The following PRKRIP1 variants were observed in gnomAD, a reference collection of about 807,000 sequenced individuals.
PRKRIP1 encodes PRKR interacting protein 1.
Under a neutral mutation model 29.3 loss-of-function variants are expected in PRKRIP1, and 29 were observed. The ratio of observed to expected loss-of-function variants is 0.99; its 90% CI spans 0.74 to 1.35. The LOEUF is 1.35. Among genes scored for constraint, PRKRIP1 ranks in the 40% most tolerant of loss-of-function variants. The probability of loss-of-function intolerance (pLI) is 0.00; values close to 1 mark genes in which losing one functional copy is unlikely to be tolerated. For synonymous variants in PRKRIP1, 90 were observed against 85.1 expected (o/e 1.06, Z -0.32); for missense variants, 247 against 236.8 (o/e 1.04, Z -0.28).
chr7:102,418,892 C>T (rs570470697), intron 5 of PRKRIP1, among the ~76,000 whole-genome samples: 1 of 152,048 alleles, frequency 6.6e-6, no homozygotes, highest in South Asian at 2.1e-4. Flanking sequence ...GACGATGTTA[C>T]ATTTTATCGC....
In PRKRIP1 at chr7:102,417,322, G is replaced by A. The variant is rs151015926; in HGVS notation, c.458-7692G>A. Among the ~76,000 whole-genome samples, 20 of 152,202 alleles carry A rather than the reference G, an allele frequency of 1.3e-4. No homozygotes were observed. The East Asian group carries it at 3.5e-3, about 26-fold the overall frequency. ...GTACGTTACTCTGTAGAAGAAAGTC[G>A]TTGTGTGCAGCCCACACATAGGGAG... On this transcript the variant is annotated intron_variant, in intron 5 of 5. Coordinates refer to ENST00000397912, the MANE Select transcript of PRKRIP1 (RefSeq NM_024653.4).
At chr7:102,417,411 C>A (rs1796582335) in intron 5 of PRKRIP1, among the ~76,000 whole-genome samples, 1 of 152,266 alleles carries the variant, frequency 6.6e-6, no homozygotes, top group Non-Finnish European at 1.5e-5. Context: ...AGTCATTCTG[C>A]ATGCTAGGGT....
chr7:102,398,469 G>C, intron 2 of PRKRIP1, among the ~76,000 whole-genome samples: 1 of 151,906 alleles, frequency 6.6e-6, no homozygotes, highest in African/African-American at 2.4e-5. Flanking sequence ...ATTTTTAGTA[G>C]AGACTGGGTT....
chr7:102,404,472 G>A, intron 3 of PRKRIP1, 126 bp from the exon 4 acceptor site: 2 of 723,034 alleles, frequency 2.8e-6, no homozygotes, highest in South Asian at 3.5e-5. Flanking sequence ...TGGCCCTGGG[G>A]ACCCGGGTAG....
At chr7:102,423,649 T>C (rs1796763677) in intron 5 of PRKRIP1, among the ~76,000 whole-genome samples, 1 of 152,084 alleles carries the variant, frequency 6.6e-6, no homozygotes, top group African/African-American at 2.4e-5. Context: ...AGTGCTTCCA[T>C]GTAATAGTGT....
intron 1 of PRKRIP1, 40 bp from the exon 2 acceptor site, chr7:102,397,580 C>G (rs781948002): frequency 6.5e-7 from 1 of 1,528,086 alleles, no homozygotes; most frequent in Non-Finnish European, 9.1e-7. Context: ...ATTTTGTCAA[C>G]AGGTTTATAC....
At chr7:102,421,432 C>G (rs140916002) in intron 5 of PRKRIP1, among the ~76,000 whole-genome samples, 145 of 152,084 alleles carry the variant, frequency 9.5e-4, no homozygotes, top group African/African-American at 3.3e-3. Flanking sequence ...ATAGTCTCAG[C>G]TACTCAGGAG....
chr7:102,406,867 T>G (rs1473458360), intron 4 of PRKRIP1, among the ~76,000 whole-genome samples: 1 of 141,386 alleles, frequency 7.1e-6, no homozygotes, highest in African/African-American at 2.7e-5. Context: ...AATAAGTCAT[T>G]AGCAAAAAAA....
intron 5 of PRKRIP1, among the ~76,000 whole-genome samples, chr7:102,407,737 C>G (rs1282274115): frequency 6.6e-6 from 1 of 152,094 alleles, no homozygotes; most frequent in African/African-American, 2.4e-5. Flanking sequence ...TCTGGCATGG[C>G]TGGTCAGGGA....
chr7:102,411,816 TTG>T (rs1394483251), intron 5 of PRKRIP1, among the ~76,000 whole-genome samples: 38 of 144,488 alleles, frequency 2.6e-4, no homozygotes, highest in East Asian at 1.9e-3. Flanking sequence ...GTTTTTTTTT[TTG>T]TTTGTTTGTT....
chr7:102,423,859 G>A (rs1554574127), intron 5 of PRKRIP1, among the ~76,000 whole-genome samples: 2 of 152,048 alleles, frequency 1.3e-5, no homozygotes, highest in Non-Finnish European at 2.9e-5. Context: ...AATGGAACTC[G>A]CTGTGTTGCC....
chr7:102,421,791 G>A (rs538793037), intron 5 of PRKRIP1, among the ~76,000 whole-genome samples: 8 of 149,236 alleles, frequency 5.4e-5, no homozygotes, highest in East Asian at 1.9e-4. Flanking sequence ...GTGAGACCCC[G>A]TCTCCAAAAA....
intron 5 of PRKRIP1, among the ~76,000 whole-genome samples, chr7:102,419,971 C>T (rs908387348): frequency 1.9e-4 from 29 of 151,802 alleles, no homozygotes; most frequent in African/African-American, 7.0e-4. Context: ...ACCTCCGCCC[C>T]CTGGGTTCAC....
chr7:102,423,393 C>G, intron 5 of PRKRIP1: 1 of 331,996 alleles, frequency 3.0e-6, no homozygotes, highest in Non-Finnish European at 6.0e-6. Context: ...GGATTACAGA[C>G]ATGAGCCACC....
rs368633331 is a variant in PRKRIP1 at position 102,424,430 on chromosome 7, G to T, written c.458-584G>T. 4.6e-5 allele frequency among the ~76,000 whole-genome samples: 7 copies of T among 152,344 alleles called. No homozygotes were observed. In the South Asian group the frequency reaches 1.2e-3, roughly 27 times the overall value. ...TGTCCTCCTGCTCCCGCGTGAAGAG[G>T]GGGAGGGGAGGAGTTGGGAACACGT... is the stretch of plus-strand genomic sequence containing the variant. On this transcript the variant is annotated intron_variant, in intron 5 of 5. Coordinates refer to ENST00000397912, the MANE Select transcript of PRKRIP1 (RefSeq NM_024653.4).
At chr7:102,407,601 C>T in intron 5 of PRKRIP1, 103 bp downstream of exon 5, 1 of 836,264 alleles carries the variant, frequency 1.2e-6, no homozygotes. Context: ...GGCTGGTTGG[C>T]TGGCCACTGA....
chr7:102,396,941 C>T (rs927879610), intron 1 of PRKRIP1, among the ~76,000 whole-genome samples: 12 of 152,098 alleles, frequency 7.9e-5, no homozygotes, highest in Non-Finnish European at 1.2e-4. Flanking sequence ...GCTCACACCC[C>T]CTCTGGGCCT....
Position 102,396,550 on chromosome 7 carries a change from C to T in PRKRIP1, c.126+13C>T. On this transcript the variant is annotated intron_variant, in intron 1 of 5. Coordinates refer to ENST00000397912, the MANE Select transcript of PRKRIP1 (RefSeq NM_024653.4). Reference sequence around the variant, plus strand: ...CATGAAGAACCCGGTGAGACGAGGCCCAGGCTCCACGGCCCGTCCGAGGCC... The same window carrying T: ...CATGAAGAACCCGGTGAGACGAGGCTCAGGCTCCACGGCCCGTCCGAGGCC... 6.2e-7 allele frequency: 1 copy of T among 1,603,726 alleles called. No homozygotes were observed. Among genetic ancestry groups the T allele is most frequent in the Non-Finnish European group, 8.5e-7 (1 of 1,176,474 alleles).
intron 5 of PRKRIP1, among the ~76,000 whole-genome samples, chr7:102,422,140 C>T (rs1554573820): frequency 1.6e-5 from 2 of 124,444 alleles, no homozygotes; most frequent in African/African-American, 6.0e-5. Context: ...GTTTCATACA[C>T]AAAATTATTA....
Sources: allele counts gnomAD v4.1 joint callset (sites outside exome capture counted in the v4.1 genomes callset), GRCh38; gene constraint gnomAD v4.1.1; transcripts MANE v1.5; gene names NCBI Gene and HGNC (gene_info 2026-07-23, HGNC 2026-07-21).